Variants in ZNF385D observed in about 807,000 individuals in gnomAD.
ZNF385D encodes zinc finger protein 659.
ZNF385D carries 15 observed loss-of-function variants against 35.8 expected under a neutral mutation model. The observed-to-expected ratio is 0.42, with a 90% CI of 0.28 to 0.64. The LOEUF (loss-of-function observed/expected upper bound fraction) is 0.64. ZNF385D is among the 30% of genes least tolerant of loss of function. The pLI, the probability that ZNF385D is intolerant of heterozygous loss-of-function variation, is 0.23. For synonymous variants in ZNF385D, 212 were observed against 186.8 expected (o/e 1.13, Z -1.10); for missense variants, 474 against 494.6 (o/e 0.96, Z 0.39).
At chr3:21,534,827 G>A (rs970409278) in intron 3 of ZNF385D, among the ~76,000 whole-genome samples, 7 of 152,082 alleles carry the variant, frequency 4.6e-5, no homozygotes, top group African/African-American at 1.7e-4. Context: ...GAAATATTTA[G>A]CTGCCATTTG....
At chr3:21,518,793 T>A (rs2125494537) in intron 3 of ZNF385D, among the ~76,000 whole-genome samples, 1 of 152,294 alleles carries the variant, frequency 6.6e-6, no homozygotes, top group South Asian at 2.1e-4. Context: ...ATAGAATAGT[T>A]CATTGTTATA....
chr3:21,721,115 T>TG, intron 1 of ZNF385D, among the ~76,000 whole-genome samples: 1 of 152,270 alleles, frequency 6.6e-6, no homozygotes. Flanking sequence ...AACATACTCT[T>TG]GCGGTTTATA....
chr3:22,200,583 T>C (rs771302917), intron 2 of ZNF385D, among the ~76,000 whole-genome samples: 2 of 152,080 alleles, frequency 1.3e-5, no homozygotes, highest in Non-Finnish European at 2.9e-5. Context: ...CTGTCATTGA[T>C]AACATCTTAT....
intron 3 of ZNF385D, among the ~76,000 whole-genome samples, chr3:21,990,380 C>G (rs1312702214): frequency 2.0e-5 from 3 of 152,182 alleles, no homozygotes; most frequent in Admixed American, 6.5e-5. Context: ...TCTCCATTTT[C>G]TATCTTACCA....
intron 4 of ZNF385D, among the ~76,000 whole-genome samples, chr3:21,487,408 A>G (rs1343600632): frequency 2.0e-5 from 3 of 152,106 alleles, no homozygotes; most frequent in Non-Finnish European, 4.4e-5. Flanking sequence ...ATGTAGGGGA[A>G]TAATAGATAT....
At chr3:21,972,614 A>C (rs896737261) in intron 3 of ZNF385D, among the ~76,000 whole-genome samples, 4 of 151,948 alleles carry the variant, frequency 2.6e-5, no homozygotes, top group Non-Finnish European at 5.9e-5. Flanking sequence ...GAAAGGTTAA[A>C]ACAATATAAA....
chr3:21,784,287 G>C (rs1365686026), intron 3 of ZNF385D, among the ~76,000 whole-genome samples: 1 of 152,182 alleles, frequency 6.6e-6, no homozygotes, highest in African/African-American at 2.4e-5. Context: ...TTCCTAGCCA[G>C]CTCTCAATGT....
In ZNF385D at chr3:21,437,019, T is replaced by G. The variant is rs763737284; in HGVS notation, c.624A>C (p.Leu208=). 26 of 1,614,002 alleles carry G rather than the reference T, an allele frequency of 1.6e-5. No individual in the cohort carries two copies. In the East Asian group the frequency reaches 5.6e-4, roughly 35 times the overall value. ...EKAKRLLYCS[L]CKVAVNSASQ... The stretch of plus-strand genomic sequence containing the variant: ...AGGCAGAGTTGACAGCAACCTTGCA[T>G]AGCGAACAGTAAAGAAGCCGTTTTG... The change falls in exon 5 of 8, where the codon CTA becomes CTC. Residue 208 remains leucine (L), a synonymous_variant. Transcript: ENST00000281523.
At chr3:22,276,296 G>C (rs772609462) in intron 2 of ZNF385D, among the ~76,000 whole-genome samples, 1 of 152,086 alleles carries the variant, frequency 6.6e-6, no homozygotes, top group Non-Finnish European at 1.5e-5. Context: ...TCTCCTGTAA[G>C]TCTGTCCTTT....
In ZNF385D at chr3:22,195,060, G is replaced by C. The variant is rs1410741004; in HGVS notation, c.107-26025C>G. ...AAACTGCAAATTATTTTCCCCCCAA[G>C]AAAGTATTATTTTGAATTTCTACCA... is the stretch of plus-strand genomic sequence containing the variant. On this transcript the variant is annotated intron_variant, in intron 2 of 5. Transcript: ENST00000494108. Among the ~76,000 whole-genome samples the C allele has an allele frequency of 8.6e-5, 13 of 151,716 alleles. 1 individual carries two copies. Among genetic ancestry groups the C allele is most frequent in the Admixed American group, 8.6e-4 (13 of 15,192 alleles).
chr3:22,228,348 G>A (rs960606798), intron 2 of ZNF385D, among the ~76,000 whole-genome samples: 1 of 152,098 alleles, frequency 6.6e-6, no homozygotes, highest in Non-Finnish European at 1.5e-5. Flanking sequence ...CAGCAGGTTG[G>A]CAGGTCACTG....
intron 2 of ZNF385D, among the ~76,000 whole-genome samples, chr3:22,269,469 G>T (rs1030559914): frequency 6.6e-6 from 1 of 151,902 alleles, no homozygotes; most frequent in Non-Finnish European, 1.5e-5. Context: ...TCTTTCCAGG[G>T]CTAGGAAACA....
At chr3:21,851,072 C>G (rs1473017558) in intron 3 of ZNF385D, among the ~76,000 whole-genome samples, 1 of 151,056 alleles carries the variant, frequency 6.6e-6, no homozygotes, top group African/African-American at 2.4e-5. Flanking sequence ...GATTTTAAAA[C>G]AGCTAATATT....
At chr3:21,601,747 C>T (rs920830827) in intron 2 of ZNF385D, among the ~76,000 whole-genome samples, 9 of 152,150 alleles carry the variant, frequency 5.9e-5, no homozygotes, top group African/African-American at 2.2e-4. Flanking sequence ...ATAAAGACAT[C>T]GTCACCCTTT....
intron 3 of ZNF385D, among the ~76,000 whole-genome samples, chr3:22,101,435 G>C (rs144906823): frequency 6.6e-6 from 1 of 152,064 alleles, no homozygotes; most frequent in African/African-American, 2.4e-5. Context: ...CTGTGTGCTG[G>C]ATGTTCTCAG....
At chr3:21,739,174 A>G (rs988188395) in intron 1 of ZNF385D, among the ~76,000 whole-genome samples, 6 of 152,198 alleles carry the variant, frequency 3.9e-5, no homozygotes, top group Non-Finnish European at 2.9e-5. Context: ...GTAGAGGTCT[A>G]AGTGGTAGAC....
intron 3 of ZNF385D, among the ~76,000 whole-genome samples, chr3:22,064,906 T>A (rs1699855588): frequency 6.6e-6 from 1 of 152,190 alleles, no homozygotes; most frequent in Admixed American, 6.5e-5. Flanking sequence ...GCATTGTATA[T>A]TTAAAAAAAT....
At chr3:21,454,595 T>A (rs1702668937) in intron 4 of ZNF385D, among the ~76,000 whole-genome samples, 1 of 152,104 alleles carries the variant, frequency 6.6e-6, no homozygotes, top group African/African-American at 2.4e-5. Flanking sequence ...TATCTCAAAA[T>A]AATAAGAGCT....
intron 3 of ZNF385D, among the ~76,000 whole-genome samples, chr3:22,083,242 T>G (rs1283171388): frequency 1.3e-5 from 2 of 152,318 alleles, no homozygotes; most frequent in Admixed American, 6.5e-5. Context: ...TTTGATGAGT[T>G]GACAGAAGTA....
Sources: gnomAD v4.1 joint callset for allele counts (sites outside exome capture counted in the v4.1 genomes callset) on GRCh38, gnomAD v4.1.1 for gene constraint, MANE v1.5 for transcripts, NCBI Gene and HGNC (gene_info 2026-07-23, HGNC 2026-07-21) for gene names.